Variants in TSHZ1 observed in about 807,000 individuals in gnomAD.
The protein encoded by TSHZ1 is teashirt zinc finger homeobox 1.
TSHZ1 carries 12 observed loss-of-function variants against 67.1 expected under a neutral mutation model. The ratio of observed to expected loss-of-function variants is 0.18; its 90% CI spans 0.11 to 0.29. The LOEUF is 0.29. Ranked by LOEUF, TSHZ1 falls within the 10% of genes least tolerant of loss-of-function variation. The pLI is 1.00. For synonymous variants in TSHZ1, 632 were observed against 622.4 expected (o/e 1.02, Z -0.23); for missense variants, 1,305 against 1,413.9 (o/e 0.92, Z 1.23).
intron 1 of TSHZ1, among the ~76,000 whole-genome samples, chr18:75,246,445 T>TGTGTGTGTGTGTGTGA (rs59065895): frequency 7.5e-6 from 1 of 133,568 alleles, no homozygotes; most frequent in Non-Finnish European, 1.6e-5. Context: ...TGTGTGTGTG[T>TGTGTGTGTGTGTGTGA]CAGAGAGAAA....
chr18:75,270,849 G>A (rs778189846), intron 1 of TSHZ1, among the ~76,000 whole-genome samples: 19 of 151,336 alleles, frequency 1.3e-4, no homozygotes, highest in African/African-American at 3.4e-4. Context: ...TTCTTTCCCC[G>A]TCTGTTTTCA....
rs111468850 is a variant in TSHZ1, at chr18:75,250,022, C to T, written c.41-35426C>T. The stretch of plus-strand genomic sequence containing the variant: ...TCTCACCCCTGCAGTAGGTGGAGGA[C>T]GCATGACTTCCTGCCTTCCTCCTGC... On this transcript the variant is annotated intron_variant, in intron 1 of 1. Transcript: ENST00000580243. 4.1e-3 allele frequency among the ~76,000 whole-genome samples: 587 copies of T among 144,850 alleles called. 3 individuals carry two copies. The highest frequency in any genetic ancestry group is 0.014 in the African/African-American group (552 of 38,558).
intron 1 of TSHZ1, among the ~76,000 whole-genome samples, chr18:75,259,578 G>T (rs981658925): frequency 2.2e-4 from 34 of 152,132 alleles, no homozygotes; most frequent in African/African-American, 7.7e-4. Context: ...GAAGAAGGGT[G>T]AGTACAGTGT....
chr18:75,243,291 A>G (rs2023180429), intron 1 of TSHZ1, among the ~76,000 whole-genome samples: 1 of 152,108 alleles, frequency 6.6e-6, no homozygotes, highest in Non-Finnish European at 1.5e-5. Flanking sequence ...TCCAACAGCC[A>G]TTGTTGAGTG....
intron 1 of TSHZ1, among the ~76,000 whole-genome samples, chr18:75,225,733 C>A (rs2022916879): frequency 6.6e-6 from 1 of 152,110 alleles, no homozygotes. Context: ...TAATGCAAGA[C>A]TATATCTCGG....
In TSHZ1 at chr18:75,213,125, G is replaced by T. The variant is rs2022720888; in HGVS notation, c.40+1209G>T. Among the ~76,000 whole-genome samples the T allele has an allele frequency of 3.9e-5, 6 of 152,086 alleles. No individual in the cohort carries two copies. In the South Asian group the frequency reaches 1.2e-3, roughly 32 times the overall value. On this transcript the variant is annotated intron_variant, in intron 1 of 1. Coordinates refer to ENST00000580243, the MANE Select transcript of TSHZ1 (RefSeq NM_001308210.2). ...TCAAGTCTTTATACGTGCTTTTTCT[G>T]GGGAAGCACTTAAAGCAGAGATTAC...
chr18:75,242,818 C>T (rs2023173250), intron 1 of TSHZ1, among the ~76,000 whole-genome samples: 1 of 152,240 alleles, frequency 6.6e-6, no homozygotes, highest in Non-Finnish European at 1.5e-5. Context: ...ATGGTGTTTC[C>T]ATAGCTTATA....
chr18:75,285,279 C>G lies in TSHZ1; in HGVS notation c.41-169C>G, dbSNP rs535918591. The G allele has an allele frequency of 1.4e-5, 10 of 722,004 alleles. No individual in the cohort carries two copies. In the African/African-American group the frequency reaches 1.6e-4, roughly 12 times the overall value. The allele number at this position is 722,004 out of a possible 1,614,324, so 44.7% of individuals were successfully genotyped here. ...AGACACACTCAGGAGGGGACAGCAC[C>G]TTTTGAAACCTAACTCCTGCAAAGG... On this transcript the variant is annotated intron_variant, in intron 1 of 1. Transcript: ENST00000580243.
chr18:75,232,205 G>A (rs571983875), intron 1 of TSHZ1, among the ~76,000 whole-genome samples: 6 of 152,130 alleles, frequency 3.9e-5, no homozygotes, highest in Non-Finnish European at 7.4e-5. Context: ...GAGCCACTGC[G>A]CCCGGACTTT....
intron 1 of TSHZ1, among the ~76,000 whole-genome samples, chr18:75,257,909 G>A (rs1212995147): frequency 6.6e-6 from 1 of 152,180 alleles, no homozygotes; most frequent in Admixed American, 6.5e-5. Flanking sequence ...ATGATAGGAG[G>A]GCTGCACGCT....
At chr18:75,277,047 C>A (rs910786249) in intron 1 of TSHZ1, among the ~76,000 whole-genome samples, 6 of 152,238 alleles carry the variant, frequency 3.9e-5, no homozygotes, top group African/African-American at 1.4e-4. Flanking sequence ...CCACCTCTCT[C>A]TTCCTTCCTC....
intron 1 of TSHZ1, among the ~76,000 whole-genome samples, chr18:75,230,102 A>G (rs1426367734): frequency 6.6e-6 from 1 of 152,222 alleles, no homozygotes; most frequent in Non-Finnish European, 1.5e-5. Context: ...TGACATGTCT[A>G]CAAACAGGAA....
intron 1 of TSHZ1, among the ~76,000 whole-genome samples, chr18:75,257,295 A>T (rs1413138640): frequency 6.6e-6 from 1 of 152,200 alleles, no homozygotes; most frequent in Non-Finnish European, 1.5e-5. Context: ...TATACAGAAG[A>T]TGCTAAACTT....
chr18:75,237,605 T>G (rs1345393739), intron 1 of TSHZ1, among the ~76,000 whole-genome samples: 1 of 152,132 alleles, frequency 6.6e-6, no homozygotes, highest in Admixed American at 6.5e-5. Context: ...CAAACATATA[T>G]GTACACACCT....
chr18:75,272,173 C>G (rs2023566242), intron 1 of TSHZ1, among the ~76,000 whole-genome samples: 1 of 152,198 alleles, frequency 6.6e-6, no homozygotes. Context: ...GATGGGAGCC[C>G]TAATGAGAAT....
chr18:75,249,269 G>T (rs969377076), intron 1 of TSHZ1, among the ~76,000 whole-genome samples: 3 of 152,194 alleles, frequency 2.0e-5, no homozygotes, highest in African/African-American at 4.8e-5. Context: ...CGGGTTGAGA[G>T]CCCTGGGTGC....
intron 1 of TSHZ1, among the ~76,000 whole-genome samples, chr18:75,230,240 C>T (rs946069887): frequency 7.2e-5 from 11 of 152,166 alleles, no homozygotes; most frequent in African/African-American, 2.4e-4. Context: ...GTAGGACTGC[C>T]GTTTCCTGAT....
At chr18:75,226,186 G>A (rs1398062971) in intron 1 of TSHZ1, among the ~76,000 whole-genome samples, 1 of 152,184 alleles carries the variant, frequency 6.6e-6, no homozygotes, top group Non-Finnish European at 1.5e-5. Flanking sequence ...AAGTCCTGAT[G>A]GGGGAGGAAA....
At chr18:75,244,843 T>C (rs1220510292) in intron 1 of TSHZ1, among the ~76,000 whole-genome samples, 2 of 152,216 alleles carry the variant, frequency 1.3e-5, no homozygotes, top group African/African-American at 4.8e-5. Context: ...TAGTGAGAGC[T>C]GGTTCAGGTG....
Sources: gnomAD v4.1 joint callset for allele counts (sites outside exome capture counted in the v4.1 genomes callset) on GRCh38, gnomAD v4.1.1 for gene constraint, MANE v1.5 for transcripts, NCBI Gene and HGNC (gene_info 2026-07-23, HGNC 2026-07-21) for gene names.